Variants in PARD3B observed in about 807,000 individuals in gnomAD.
PARD3B encodes the protein par-3 family cell polarity regulator beta.
In PARD3B, 103 loss-of-function variants were observed where a neutral mutation model predicts 130.2. That is an observed-to-expected ratio of 0.79 (90% confidence interval 0.67 to 0.93). PARD3B has a LOEUF of 0.93. PARD3B is among the 40% of genes least tolerant of loss of function. The pLI is 0.00. For synonymous variants in PARD3B, 583 were observed against 553.2 expected (o/e 1.05, Z -0.76); for missense variants, 1,609 against 1,499.2 (o/e 1.07, Z -1.21).
At chr2:204,636,810 A>G (rs1574593592) in intron 1 of PARD3B, among the ~76,000 whole-genome samples, 2 of 152,090 alleles carry the variant, frequency 1.3e-5, no homozygotes, top group South Asian at 4.1e-4. Flanking sequence ...CTGTTTTACA[A>G]CTGCATTCTA....
chr2:204,855,353 G>T (rs551181744), intron 2 of PARD3B, among the ~76,000 whole-genome samples: 1 of 151,936 alleles, frequency 6.6e-6, no homozygotes, highest in East Asian at 1.9e-4. Context: ...GACCATCCTG[G>T]CCAACATGGT....
chr2:205,108,685 C>T (rs992878054), intron 5 of PARD3B, among the ~76,000 whole-genome samples: 1 of 152,124 alleles, frequency 6.6e-6, no homozygotes, highest in Non-Finnish European at 1.5e-5. Flanking sequence ...ATCCCAGCTT[C>T]CCTTCCTAAT....
chr2:205,423,899 A>G (rs2047057747), intron 19 of PARD3B, among the ~76,000 whole-genome samples: 1 of 152,194 alleles, frequency 6.6e-6, no homozygotes, highest in South Asian at 2.1e-4. Context: ...GAGAACACAT[A>G]GAGGGGAACA....
chr2:204,773,606 A>G (rs190477293), intron 2 of PARD3B, among the ~76,000 whole-genome samples: 4 of 152,078 alleles, frequency 2.6e-5, no homozygotes, highest in African/African-American at 4.8e-5. Context: ...CCTAAATCCT[A>G]TCTGTTACTG....
chr2:204,588,668 C>A (rs1041045908), intron 1 of PARD3B, among the ~76,000 whole-genome samples: 3 of 152,154 alleles, frequency 2.0e-5, no homozygotes, highest in Non-Finnish European at 2.9e-5. Context: ...TGGAATACTG[C>A]ACTTAATGGA....
At chr2:205,450,922 C>A (rs1288677657) in intron 20 of PARD3B, among the ~76,000 whole-genome samples, 1 of 152,172 alleles carries the variant, frequency 6.6e-6, no homozygotes, top group Admixed American at 6.5e-5. Context: ...GAGGCAATAT[C>A]CTACCATGTC....
intron 12 of PARD3B, among the ~76,000 whole-genome samples, chr2:205,175,896 T>TA (rs1383692601): frequency 8.7e-6 from 1 of 114,434 alleles, no homozygotes; most frequent in Non-Finnish European, 2.1e-5. Context: ...AGGGGAAATA[T>TA]AGGGGGGGAA....
intron 1 of PARD3B, among the ~76,000 whole-genome samples, chr2:204,682,795 C>G (rs963626710): frequency 2.0e-5 from 3 of 152,184 alleles, no homozygotes; most frequent in Admixed American, 2.0e-4. Flanking sequence ...AATCCCAGTT[C>G]ATGGTAGTCA....
At chr2:204,853,226 A>G (rs1349479518) in intron 2 of PARD3B, among the ~76,000 whole-genome samples, 1 of 152,208 alleles carries the variant, frequency 6.6e-6, no homozygotes, top group African/African-American at 2.4e-5. Context: ...CTATTAAGTT[A>G]TAGATTGTAG....
At position 205,525,935 on chromosome 2, in the gene PARD3B, T is replaced by G. The variant is rs1284354044; in HGVS notation, c.3180+25904T>G. Among the ~76,000 whole-genome samples, 2 of 152,212 alleles carry G rather than the reference T, an allele frequency of 1.3e-5. No individual in the cohort carries two copies. Among genetic ancestry groups the G allele is most frequent in the Non-Finnish European group, 2.9e-5 (2 of 68,030 alleles). On this transcript the variant is annotated intron_variant, in intron 21 of 22. Transcript: ENST00000406610. This position sits in a 1 kb window ranked among gnomAD's most constrained non-coding sequence, Gnocchi z 4.2. Reference sequence around the variant, plus strand: ...CATCTTAGAATCGAACCAGTCTTACTCTGATTTTCATGACACCCCCACCCT... The same window carrying G: ...CATCTTAGAATCGAACCAGTCTTACGCTGATTTTCATGACACCCCCACCCT...
chr2:204,862,349 G>A (rs2045244666), intron 2 of PARD3B, among the ~76,000 whole-genome samples: 1 of 152,146 alleles, frequency 6.6e-6, no homozygotes, highest in Admixed American at 6.6e-5. Flanking sequence ...TAAGGGAGTG[G>A]CTTTTAATGT....
At chr2:204,705,583 A>G (rs1190096595) in intron 2 of PARD3B, among the ~76,000 whole-genome samples, 1 of 151,954 alleles carries the variant, frequency 6.6e-6, no homozygotes, top group African/African-American at 2.4e-5. Flanking sequence ...ACAAAATGAA[A>G]TAAAATGCTC....
intron 20 of PARD3B, among the ~76,000 whole-genome samples, chr2:205,472,710 C>G (rs2048879785): frequency 6.6e-6 from 1 of 152,094 alleles, no homozygotes; most frequent in Admixed American, 6.6e-5. Flanking sequence ...TCTTACAGTT[C>G]TCAGGTTCTG....
At chr2:204,782,492 T>C (rs1182824266) in intron 2 of PARD3B, among the ~76,000 whole-genome samples, 1 of 150,398 alleles carries the variant, frequency 6.6e-6, no homozygotes, top group Admixed American at 6.7e-5. Flanking sequence ...ATGTAATATA[T>C]AGTATATTCA....
intron 1 of PARD3B, among the ~76,000 whole-genome samples, chr2:204,636,968 T>C (rs2034902581): frequency 6.6e-6 from 1 of 152,188 alleles, no homozygotes; most frequent in Admixed American, 6.5e-5. Flanking sequence ...TGTAAGGAGT[T>C]AAAATCATTG....
chr2:204,559,273 A>G lies in PARD3B; in HGVS notation c.120+13154A>G, dbSNP rs568072800. Among the ~76,000 whole-genome samples, 3 of 152,372 alleles carry G rather than the reference A, an allele frequency of 2.0e-5. No homozygotes were observed. In the South Asian group the frequency reaches 6.2e-4, roughly 32 times the overall value. ...AACAGGCAACTTACAGAATGGGAGA[A>G]AATTTTTGAAATCTACCCATCTGAC... On this transcript the variant is annotated intron_variant, in intron 1 of 22. Transcript: ENST00000406610.
intron 2 of PARD3B, among the ~76,000 whole-genome samples, chr2:204,960,404 T>G (rs372139191): frequency 2.0e-5 from 3 of 152,112 alleles, no homozygotes; most frequent in African/African-American, 7.2e-5. Flanking sequence ...TTTTGGAGTA[T>G]GATGTGGCAG....
At chr2:205,192,191 C>T (rs1167003905) in intron 14 of PARD3B, among the ~76,000 whole-genome samples, 3 of 151,910 alleles carry the variant, frequency 2.0e-5, no homozygotes, top group Non-Finnish European at 4.4e-5. Context: ...TATTTCAGGT[C>T]GAGATTCTCT....
chr2:205,046,934 A>G (rs891757003), intron 3 of PARD3B, among the ~76,000 whole-genome samples: 1 of 152,196 alleles, frequency 6.6e-6, no homozygotes, highest in African/African-American at 2.4e-5. Flanking sequence ...TCAGAATTTA[A>G]TAACTGACTC....
Sources: allele counts gnomAD v4.1 joint callset (sites outside exome capture counted in the v4.1 genomes callset), GRCh38; gene constraint gnomAD v4.1.1; non-coding constraint Gnocchi (gnomAD v3.1); transcripts MANE v1.5; gene names NCBI Gene and HGNC (gene_info 2026-07-23, HGNC 2026-07-21).